The following CAMTA1 variants were observed in gnomAD, a reference collection of about 807,000 sequenced individuals.
CAMTA1 encodes calmodulin binding transcription activator 1, also known as calmodulin-binding transcription activator 1.
CAMTA1 carries 27 observed loss-of-function variants against 170.9 expected under a neutral mutation model. The ratio of observed to expected loss-of-function variants is 0.16; its 90% CI spans 0.12 to 0.22. The LOEUF is 0.22. Ranked by LOEUF, CAMTA1 falls within the 10% of genes least tolerant of loss-of-function variation. The probability of loss-of-function intolerance (pLI) is 1.00; values close to 1 mark genes in which losing one functional copy is unlikely to be tolerated. For synonymous variants in CAMTA1, 833 were observed against 891.5 expected (o/e 0.93, Z 1.17); for missense variants, 1,619 against 2,217.2 (o/e 0.73, Z 5.42).
In CAMTA1 at chr1:7,277,352, C is replaced by G. The variant is rs1385074718; in HGVS notation, c.438+27726C>G. 2.6e-5 allele frequency among the ~76,000 whole-genome samples: 4 copies of G among 152,242 alleles called. No individual in the cohort carries two copies. In the East Asian group the frequency reaches 7.7e-4, roughly 29 times the overall value. The stretch of plus-strand genomic sequence containing the variant: ...CTACAGTAATCAAGATGATGTGATA[C>G]TGGTATCACTGAGTTGATATTCCAA... On this transcript the variant is annotated intron_variant, in intron 5 of 22. Transcript: ENST00000303635.
At chr1:6,996,689 AAAAGAAAGAAAG>A (rs575454704) in intron 3 of CAMTA1, among the ~76,000 whole-genome samples, 1 of 151,226 alleles carries the variant, frequency 6.6e-6, no homozygotes, top group African/African-American at 2.4e-5. Context: ...ATTTAAAAAA[AAAAGAAAGAAAG>A]AAAGAAAGAA....
At chr1:6,938,474 G>A (rs879823827) in intron 3 of CAMTA1, among the ~76,000 whole-genome samples, 2 of 152,160 alleles carry the variant, frequency 1.3e-5, no homozygotes, top group Non-Finnish European at 2.9e-5. Context: ...CTGGGGCCAC[G>A]GCAGCAGGGG....
chr1:7,147,270 C>A (rs1646256139), intron 4 of CAMTA1, among the ~76,000 whole-genome samples: 2 of 151,842 alleles, frequency 1.3e-5, no homozygotes, highest in Non-Finnish European at 1.5e-5. Context: ...AATACAAAAA[C>A]AAAATTAGCT....
At chr1:7,272,736 T>C (rs1374982606) in intron 5 of CAMTA1, among the ~76,000 whole-genome samples, 3 of 60,728 alleles carry the variant, frequency 4.9e-5, no homozygotes, top group Non-Finnish European at 1.1e-4. Context: ...AGAAAAGAAA[T>C]TGGACCCCTG....
intron 6 of CAMTA1, among the ~76,000 whole-genome samples, chr1:7,531,291 A>G (rs1428530063): frequency 1.3e-5 from 2 of 152,128 alleles, no homozygotes; most frequent in African/African-American, 4.8e-5. Context: ...CCGAAGTCTC[A>G]GAGTCTGTGA....
chr1:6,933,037 A>T (rs1352708367), intron 3 of CAMTA1, among the ~76,000 whole-genome samples: 1 of 151,720 alleles, frequency 6.6e-6, no homozygotes, highest in Non-Finnish European at 1.5e-5. Flanking sequence ...TTTAGGGATC[A>T]TGCTCATGGT....
Position 7,561,153 on chromosome 1 carries a change from G to A in CAMTA1, c.511-79247G>A, listed in dbSNP as rs1335984870. Among the ~76,000 whole-genome samples, 1 of 152,104 alleles carries A rather than the reference G, an allele frequency of 6.6e-6. No homozygotes were observed. The highest frequency in any genetic ancestry group is 1.5e-5 in the Non-Finnish European group (1 of 68,018). ...GGCATGGCCAGGGGCTGGCCGAGGG[G>A]GGCCGGTGGGTGGTGAATGAAGGGC... On this transcript the variant is annotated intron_variant, in intron 6 of 22. Transcript: ENST00000303635. The surrounding 1 kb of genome is among the most constrained non-coding windows in gnomAD (Gnocchi z 5.3).
At chr1:6,988,607 C>T (rs1469107251) in intron 3 of CAMTA1, among the ~76,000 whole-genome samples, 1 of 152,044 alleles carries the variant, frequency 6.6e-6, no homozygotes, top group Non-Finnish European at 1.5e-5. Context: ...CCCCCACCCC[C>T]TACCCCTGCG....
Position 6,934,994 on chromosome 1 carries a change from TG to T in CAMTA1, c.234+109788del, listed in dbSNP as rs1206465077. Among the ~76,000 whole-genome samples the T allele has an allele frequency of 3.3e-5, 5 of 152,150 alleles. No homozygotes were observed. Among genetic ancestry groups the T allele is most frequent in the Non-Finnish European group, 7.4e-5 (5 of 68,014 alleles). On this transcript the variant is annotated intron_variant, in intron 3 of 22. Coordinates refer to ENST00000303635, the MANE Select transcript of CAMTA1 (RefSeq NM_015215.4). The surrounding 1 kb of genome is among the most constrained non-coding windows in gnomAD (Gnocchi z 4.5). ...TGTTACAAGGGGAAGAAAAGACTATTGGGGAACTTAAAAGAAATGCAGGAAA... is the reference window on the plus strand; with the variant it reads ...TGTTACAAGGGGAAGAAAAGACTATTGGGAACTTAAAAGAAATGCAGGAAA...
intron 3 of CAMTA1, among the ~76,000 whole-genome samples, chr1:6,847,077 C>G (rs1658471550): frequency 6.6e-6 from 1 of 150,572 alleles, no homozygotes. Context: ...CATCTTGGCT[C>G]ACTGCAACCT....
Position 7,532,077 on chromosome 1 carries a change from C to T in CAMTA1, c.510+64176C>T, listed in dbSNP as rs1409827116. Among the ~76,000 whole-genome samples the T allele has an allele frequency of 6.6e-6, 1 of 152,154 alleles. No individual in the cohort carries two copies. Among genetic ancestry groups the T allele is most frequent in the Non-Finnish European group, 1.5e-5 (1 of 68,014 alleles). ...AAAGGCAGAGAGGAAGGGGCAGGGG[C>T]GGCGAATGAGTGACAGAAAAGGAGG... On this transcript the variant is annotated intron_variant, in intron 6 of 22. Coordinates refer to ENST00000303635, the MANE Select transcript of CAMTA1 (RefSeq NM_015215.4). The surrounding 1 kb of genome is among the most constrained non-coding windows in gnomAD (Gnocchi z 4.2).
intron 5 of CAMTA1, among the ~76,000 whole-genome samples, chr1:7,362,940 T>C (rs1341718013): frequency 6.6e-6 from 1 of 152,146 alleles, no homozygotes; most frequent in South Asian, 2.1e-4. Context: ...ATAGAGCGAG[T>C]GAACTTGGGT....
chr1:7,721,567 TC>T (rs2096649899), intron 11 of CAMTA1, among the ~76,000 whole-genome samples: 3 of 152,014 alleles, frequency 2.0e-5, no homozygotes, highest in Admixed American at 1.3e-4. Flanking sequence ...TAAGTAAAAT[TC>T]CTGGTCGTGA....
At chr1:7,150,187 GC>G in intron 4 of CAMTA1, among the ~76,000 whole-genome samples, 1 of 152,322 alleles carries the variant, frequency 6.6e-6, no homozygotes, top group East Asian at 1.9e-4. Context: ...GACCCGCATC[GC>G]CCTTTGCCTC....
intron 11 of CAMTA1, among the ~76,000 whole-genome samples, chr1:7,727,638 T>G (rs1242777317): frequency 6.6e-6 from 1 of 152,266 alleles, no homozygotes; most frequent in Non-Finnish European, 1.5e-5. Flanking sequence ...TCTTCTTTGC[T>G]TCTAAGTAAT....
intron 4 of CAMTA1, among the ~76,000 whole-genome samples, chr1:7,226,901 C>T (rs113733712): frequency 2.6e-5 from 4 of 152,004 alleles, no homozygotes; most frequent in African/African-American, 7.2e-5. Context: ...GGCACGGTCT[C>T]GGCTCACTGC....
chr1:7,260,381 G>A (rs188935804), intron 5 of CAMTA1, among the ~76,000 whole-genome samples: 203 of 152,312 alleles, frequency 1.3e-3, no homozygotes, highest in Non-Finnish European at 1.9e-3. Context: ...TTTAATGCAT[G>A]TAGCATAGGC....
At chr1:7,577,922 A>G (rs991082054) in intron 6 of CAMTA1, among the ~76,000 whole-genome samples, 8 of 152,182 alleles carry the variant, frequency 5.3e-5, no homozygotes, top group African/African-American at 1.9e-4. Context: ...ATCATTTTCA[A>G]AACTATAGTT....
Position 7,400,680 on chromosome 1 carries a change from G to A in CAMTA1, c.439-67150G>A, listed in dbSNP as rs2089827034. ...AGATATGTCCTAGAGTATACGTTGGGTAGGGTGCATTGGCTTTGGTTCCAG... is the reference window on the plus strand; with the variant it reads ...AGATATGTCCTAGAGTATACGTTGGATAGGGTGCATTGGCTTTGGTTCCAG... On this transcript the variant is annotated intron_variant, in intron 5 of 22. Transcript: ENST00000303635. Among the ~76,000 whole-genome samples, 3 of 152,156 alleles carry A rather than the reference G, an allele frequency of 2.0e-5. No homozygotes were observed. The South Asian group carries it at 6.2e-4, about 32-fold the overall frequency.
Sources: gnomAD v4.1 joint callset for allele counts (sites outside exome capture counted in the v4.1 genomes callset) on GRCh38, gnomAD v4.1.1 for gene constraint, Gnocchi (gnomAD v3.1) non-coding constraint, MANE v1.5 for transcripts, NCBI Gene and HGNC (gene_info 2026-07-23, HGNC 2026-07-21) for gene names.